Variants in MYOM1 observed in about 807,000 individuals in gnomAD.
MYOM1 encodes the protein myomesin 1.
A neutral mutation model predicts 205.3 loss-of-function variants in MYOM1; 164 were observed. That is an observed-to-expected ratio of 0.80 (90% CI 0.70 to 0.91). MYOM1 has a LOEUF of 0.91. MYOM1 is among the 40% of genes least tolerant of loss of function. MYOM1 has a pLI of 0.00. For missense variants in MYOM1, 2,011 were observed against 2,127.3 expected (o/e 0.95, Z 1.08); for synonymous variants, 772 against 789.4 (o/e 0.98, Z 0.37).
chr18:3,129,237 T>C lies in MYOM1; in HGVS notation c.2789A>G (p.Asp930Gly). ...SKSDPLKKKT[D>G]RAPPSPPCDI... The stretch of plus-strand genomic sequence containing the variant: ...TTCCCTTTCTCAACTCTCACCTCTG[T>C]CTGTCTTCTTTTTCAGGGGGTCAGA... The change falls in exon 18 of 38, where the codon GAC becomes GGC. Residue 930 changes from aspartate (D) to glycine (G), a missense_variant. Transcript: ENST00000356443. 2 of 1,613,126 alleles carry C rather than the reference T, an allele frequency of 1.2e-6. No homozygotes were observed.
intron 19 of MYOM1, among the ~76,000 whole-genome samples, chr18:3,122,238 A>C (rs1314517907): frequency 6.6e-6 from 1 of 151,302 alleles, no homozygotes; most frequent in East Asian, 1.9e-4. Context: ...ACTGTCAGGG[A>C]GGAAAAACAC....
At position 3,129,373 on chromosome 18, in the gene MYOM1, G is replaced by A; in HGVS notation, c.2653C>T (p.Pro885Ser). The change falls in exon 18 of 38, where the codon CCC becomes TCC. Residue 885 changes from proline to serine, a missense_variant. Coordinates refer to ENST00000356443, the MANE Select transcript of MYOM1 (RefSeq NM_003803.4). ...TGGCCCAGGTTTTGAGAGCTACTGG[G>A]TAGTGAAGGTTTGTTAGGTTTGCTG... ...LGSKPNKPSL[P>S]SSSQNLGQTE... 6.2e-7 allele frequency: 1 copy of A among 1,613,986 alleles called. No individual in the cohort carries two copies. Among genetic ancestry groups the A allele is most frequent in the Non-Finnish European group, 8.5e-7 (1 of 1,179,876 alleles).
chr18:3,148,101 C>T (rs978387273), intron 13 of MYOM1, among the ~76,000 whole-genome samples: 2 of 152,132 alleles, frequency 1.3e-5, no homozygotes, highest in Admixed American at 6.5e-5. Context: ...AGTGACAATG[C>T]GGGAGCAAGT....
chr18:3,193,989 A>G (rs527990625), intron 2 of MYOM1, 31 bp from the exon 3 acceptor site: 2 of 1,601,258 alleles, frequency 1.2e-6, no homozygotes, highest in African/African-American at 2.7e-5. Context: ...TCAGACAGTA[A>G]CAAAAAAAGG....
At chr18:3,187,857 CTT>C (rs763218658) in intron 4 of MYOM1, among the ~76,000 whole-genome samples, 20 of 124,182 alleles carry the variant, frequency 1.6e-4, no homozygotes, top group Admixed American at 2.4e-4. Flanking sequence ...ATTTCTTTTT[CTT>C]TTTTTTTTTT....
chr18:3,225,252 G>T, the MYOM1 span, among the ~76,000 whole-genome samples: 4 of 152,058 alleles, frequency 2.6e-5, no homozygotes, highest in Admixed American at 6.5e-5. Flanking sequence ...CTCCCAAAGT[G>T]CCGGGATTAC....
chr18:3,211,962 C>A (rs1345844647), intron 2 of MYOM1, among the ~76,000 whole-genome samples: 1 of 152,172 alleles, frequency 6.6e-6, no homozygotes, highest in African/African-American at 2.4e-5. Flanking sequence ...AAAGAGAATG[C>A]TTTCATTTAG....
chr18:3,124,594 GCTGGGATTA>G (rs1291083041), intron 19 of MYOM1, among the ~76,000 whole-genome samples: 2 of 151,890 alleles, frequency 1.3e-5, no homozygotes, highest in African/African-American at 4.8e-5. Flanking sequence ...CTCCCAAAGT[GCTGGGATTA>G]CAGGCGTGAG....
intron 21 of MYOM1, among the ~76,000 whole-genome samples, chr18:3,115,948 A>G (rs1442638773): frequency 1.3e-5 from 2 of 152,166 alleles, no homozygotes; most frequent in Non-Finnish European, 2.9e-5. Context: ...AACTTTATAA[A>G]AACAGCACCC....
At chr18:3,092,272 C>T (rs1437769093) in intron 26 of MYOM1, among the ~76,000 whole-genome samples, 1 of 152,204 alleles carries the variant, frequency 6.6e-6, no homozygotes, top group African/African-American at 2.4e-5. Flanking sequence ...TCATAGCTCA[C>T]TGCAGCCTCG....
At chr18:3,185,073 T>C (rs1053435467) in intron 5 of MYOM1, among the ~76,000 whole-genome samples, 3 of 152,260 alleles carry the variant, frequency 2.0e-5, no homozygotes, top group African/African-American at 7.2e-5. Context: ...AGTTTGGTCA[T>C]CTCCTATTTT....
At chr18:3,143,833 C>T (rs921398604) in intron 13 of MYOM1, among the ~76,000 whole-genome samples, 7 of 136,292 alleles carry the variant, frequency 5.1e-5, no homozygotes, top group Admixed American at 8.5e-5. Flanking sequence ...CCCAAGAGGT[C>T]GAGGCTGCAG....
At chr18:3,237,085 AT>A in the MYOM1 span, among the ~76,000 whole-genome samples, 1 of 152,174 alleles carries the variant, frequency 6.6e-6, no homozygotes, top group Non-Finnish European at 1.5e-5. Flanking sequence ...GAAAAAAAAG[AT>A]TTATTATAGC....
chr18:3,094,668 CTTTTTT>C (rs111967746), intron 25 of MYOM1, among the ~76,000 whole-genome samples: 12 of 143,872 alleles, frequency 8.3e-5, no homozygotes, highest in Admixed American at 2.1e-4. Context: ...TTTTCTTTTT[CTTTTTT>C]TTTTTGCAAT....
the MYOM1 span, among the ~76,000 whole-genome samples, chr18:3,232,757 A>C: frequency 6.6e-6 from 1 of 152,238 alleles, no homozygotes; most frequent in Non-Finnish European, 1.5e-5. Context: ...GATATATGCT[A>C]TAAGAAATTA....
intron 37 of MYOM1, among the ~76,000 whole-genome samples, chr18:3,070,490 G>A (rs2078947004): frequency 2.0e-5 from 3 of 152,098 alleles, no homozygotes; most frequent in Admixed American, 6.5e-5. Context: ...TAAAAAAAGC[G>A]AATCCAGATT....
In MYOM1 at chr18:3,126,894, G is replaced by A. The variant is rs2079795094; in HGVS notation, c.2798C>T (p.Pro933Leu). The stretch of plus-strand genomic sequence containing the variant: ...GGTGATATCACAGGGTGGAGATGGT[G>A]GTGCTGTAGCAATATGAATAGCTTG... ...DPLKKKTDRA[P>L]PSPPCDITCL... Residue 933 changes from proline (P) to leucine (L), a missense_variant, in exon 19 of 38, where the codon CCA becomes CTA. Pro to Leu is a moderately conservative substitution (Grantham distance 98). Coordinates refer to ENST00000356443, the MANE Select transcript of MYOM1 (RefSeq NM_003803.4). The A allele has an allele frequency of 1.9e-6, 3 of 1,606,740 alleles. No homozygotes were observed. The highest frequency in any genetic ancestry group is 2.6e-6 in the Non-Finnish European group (3 of 1,176,432).
intron 10 of MYOM1, among the ~76,000 whole-genome samples, chr18:3,158,637 A>G (rs957426048): frequency 1.2e-4 from 18 of 152,080 alleles, no homozygotes; most frequent in African/African-American, 4.3e-4. Context: ...TTTTTGAGAT[A>G]GGGTCTCACT....
intron 3 of MYOM1, among the ~76,000 whole-genome samples, chr18:3,191,774 C>A (rs545177088): frequency 6.6e-6 from 1 of 151,880 alleles, no homozygotes; most frequent in South Asian, 2.1e-4. Context: ...CAGCTCACTG[C>A]AACCTCTGCC....
Sources: gnomAD v4.1 joint callset for allele counts (sites outside exome capture counted in the v4.1 genomes callset) on GRCh38, gnomAD v4.1.1 for gene constraint, MANE v1.5 for transcripts, NCBI Gene and HGNC (gene_info 2026-07-23, HGNC 2026-07-21) for gene names.